RFX3: variants seen among roughly 807,000 people sequenced by gnomAD.
The protein encoded by RFX3 is regulatory factor X3.
A neutral mutation model predicts 98.6 loss-of-function variants in RFX3; 14 were observed. That is an observed-to-expected ratio of 0.14 (90% CI 0.09 to 0.22). The LOEUF (loss-of-function observed/expected upper bound fraction) is 0.22. RFX3 is among the 10% of genes least tolerant of loss of function. RFX3 has a pLI of 1.00. For missense variants in RFX3, 639 were observed against 926.9 expected (o/e 0.69, Z 4.03); for synonymous variants, 383 against 328.4 (o/e 1.17, Z -1.80).
chr9:3,499,177 A>C (rs1287118561), intron 1 of RFX3, among the ~76,000 whole-genome samples: 1 of 152,126 alleles, frequency 6.6e-6, no homozygotes, highest in Non-Finnish European at 1.5e-5. Flanking sequence ...TTTTATTTTC[A>C]TACAGTCTCC....
intron 1 of RFX3, among the ~76,000 whole-genome samples, chr9:3,460,534 A>T (rs981672513): frequency 6.6e-6 from 1 of 152,044 alleles, no homozygotes; most frequent in Admixed American, 6.6e-5. Context: ...CATTTTAAAA[A>T]ATATAATTTT....
chr9:3,329,407 CAA>C (rs1202028884), intron 4 of RFX3, among the ~76,000 whole-genome samples: 2 of 38,166 alleles, frequency 5.2e-5, no homozygotes, highest in Non-Finnish European at 9.4e-5. Context: ...GACTTCATCT[CAA>C]AAAAAAAAAA....
chr9:3,327,924 A>G (rs1832115522), intron 4 of RFX3, among the ~76,000 whole-genome samples: 1 of 152,184 alleles, frequency 6.6e-6, no homozygotes, highest in Non-Finnish European at 1.5e-5. Context: ...TCAAACTATA[A>G]AGGTTAGCAA....
intron 1 of RFX3, among the ~76,000 whole-genome samples, chr9:3,426,733 C>CA (rs1370491152): frequency 6.6e-6 from 1 of 152,158 alleles, no homozygotes; most frequent in African/African-American, 2.4e-5. Context: ...GATGATCTGT[C>CA]ACTGTCTCCT....
intron 4 of RFX3, among the ~76,000 whole-genome samples, chr9:3,320,616 G>A (rs998760076): frequency 6.9e-6 from 1 of 144,910 alleles, no homozygotes; most frequent in Non-Finnish European, 1.5e-5. Context: ...ATAGTAATAT[G>A]TGTTTCTATT....
intron 14 of RFX3, among the ~76,000 whole-genome samples, chr9:3,253,779 C>A (rs952785384): frequency 4.6e-5 from 7 of 152,054 alleles, no homozygotes; most frequent in Non-Finnish European, 1.0e-4. Flanking sequence ...TATGTGACTG[C>A]CAAATTTATA....
At chr9:3,489,673 A>G (rs748715786) in intron 1 of RFX3, among the ~76,000 whole-genome samples, 14 of 152,224 alleles carry the variant, frequency 9.2e-5, no homozygotes, top group Non-Finnish European at 1.5e-4. Context: ...ATGAAAATAT[A>G]TGTGGCATAT....
intron 1 of RFX3, among the ~76,000 whole-genome samples, chr9:3,495,592 A>G (rs1851050826): frequency 6.6e-6 from 1 of 152,098 alleles, no homozygotes. Context: ...AGAATCAGCT[A>G]GTGGTTTTAG....
intron 5 of RFX3, among the ~76,000 whole-genome samples, chr9:3,295,100 C>T (rs1172516704): frequency 6.6e-6 from 1 of 151,986 alleles, no homozygotes; most frequent in Non-Finnish European, 1.5e-5. Flanking sequence ...AATAGGTTTG[C>T]TACACATATT....
chr9:3,463,441 T>G (rs1230769373), intron 1 of RFX3, among the ~76,000 whole-genome samples: 1 of 152,066 alleles, frequency 6.6e-6, no homozygotes, highest in Non-Finnish European at 1.5e-5. Context: ...TGATATTCGT[T>G]TAGATAAAAA....
chr9:3,373,064 T>G (rs1587380153), intron 2 of RFX3, among the ~76,000 whole-genome samples: 1 of 152,202 alleles, frequency 6.6e-6, no homozygotes, highest in East Asian at 1.9e-4. Context: ...TTCGTTGCCA[T>G]ATCTCTATGT....
At chr9:3,396,356 C>T (rs1158322075) in intron 1 of RFX3, among the ~76,000 whole-genome samples, 2 of 152,094 alleles carry the variant, frequency 1.3e-5, no homozygotes, top group Admixed American at 6.5e-5. Flanking sequence ...CGTGTCCCTA[C>T]AAAGGACATT....
Position 3,220,565 on chromosome 9 carries a change from G to A in RFX3, c.*4477C>T, listed in dbSNP as rs1817289593. On this transcript the variant is annotated 3_prime_UTR_variant, in exon 17 of 17. Transcript: ENST00000617270. ...GAATATTTGGGAATAAATATATCAA[G>A]CCCTCTTGAAGAAAAATTAAGAGTT... The A allele has an allele frequency of 6.6e-6, 1 of 151,700 alleles. No individual in the cohort carries two copies. 9.4% of individuals were successfully genotyped at this position (151,700 alleles called of 1,614,324 possible).
chr9:3,353,292 A>G (rs1417337343), intron 2 of RFX3, among the ~76,000 whole-genome samples: 1 of 151,960 alleles, frequency 6.6e-6, no homozygotes, highest in East Asian at 1.9e-4. Context: ...GCACATGTAT[A>G]CATATGTAAC....
At chr9:3,497,364 A>G (rs1851187716) in intron 1 of RFX3, among the ~76,000 whole-genome samples, 1 of 152,036 alleles carries the variant, frequency 6.6e-6, no homozygotes, top group Non-Finnish European at 1.5e-5. Flanking sequence ...GCCCAAATTT[A>G]AATATTAAAT....
intron 1 of RFX3, among the ~76,000 whole-genome samples, chr9:3,490,912 G>A (rs568794453): frequency 4.6e-5 from 7 of 152,104 alleles, no homozygotes; most frequent in Non-Finnish European, 1.0e-4. Flanking sequence ...TAAATGTGGA[G>A]TAGCAATGAT....
In RFX3 at chr9:3,221,362, T is replaced by G. The variant is rs1817332210; in HGVS notation, c.*3680A>C. 6.6e-6 allele frequency: 1 copy of G among 152,174 alleles called. No homozygotes were observed. Among genetic ancestry groups the G allele is most frequent in the Non-Finnish European group, 1.5e-5 (1 of 68,010 alleles). The allele number at this position is 152,174 out of a possible 1,614,324, so 9.4% of individuals were successfully genotyped here. A position where few individuals can be genotyped will look rare whatever the true frequency, so the allele number is the denominator to read the frequency against. ...AACCGTATTCATTCCTGAATAACTT[T>G]TACAGCATTCTACAAGAACGTATTC... is the stretch of plus-strand genomic sequence containing the variant. On this transcript the variant is annotated 3_prime_UTR_variant, in exon 17 of 17. Coordinates refer to ENST00000617270, the MANE Select transcript of RFX3 (RefSeq NM_001282116.2).
intron 7 of RFX3, among the ~76,000 whole-genome samples, chr9:3,283,511 T>C (rs1266193635): frequency 6.6e-6 from 1 of 151,770 alleles, no homozygotes; most frequent in African/African-American, 2.4e-5. Context: ...AATATAGGGT[T>C]CGTTTAACTA....
intron 1 of RFX3, among the ~76,000 whole-genome samples, chr9:3,435,514 C>T (rs1286216878): frequency 6.6e-6 from 1 of 151,880 alleles, no homozygotes; most frequent in Non-Finnish European, 1.5e-5. Flanking sequence ...TCTATTATAA[C>T]CTTAGGGGAC....
Sources: allele counts gnomAD v4.1 joint callset (sites outside exome capture counted in the v4.1 genomes callset), GRCh38; gene constraint gnomAD v4.1.1; transcripts MANE v1.5; gene names NCBI Gene and HGNC (gene_info 2026-07-23, HGNC 2026-07-21).